Variants in RNF213 observed in about 807,000 individuals in gnomAD.
RNF213 encodes ring finger protein 213, also known as E3 ubiquitin-protein ligase RNF213.
A neutral mutation model predicts 514.4 loss-of-function variants in RNF213; 341 were observed. The ratio of observed to expected loss-of-function variants is 0.66; its 90% CI spans 0.61 to 0.73. The LOEUF is 0.73. Among genes scored for constraint, RNF213 ranks in the 30% least tolerant of loss-of-function variants. The pLI is 0.00. For missense variants in RNF213, 5,767 were observed against 6,615.6 expected (o/e 0.87, Z 4.45); for synonymous variants, 2,655 against 2,658.2 (o/e 1.00, Z 0.04).
chr17:80,355,204 C>T, intron 36 of RNF213: 1 of 456,042 alleles, frequency 2.2e-6, no homozygotes, highest in South Asian at 1.5e-5. Flanking sequence ...CTCTAAAAGA[C>T]AGCGGACTCC....
At chr17:80,314,121 A>G (rs200460613) in intron 15 of RNF213, among the ~76,000 whole-genome samples, 1,456 of 26,026 alleles carry the variant, frequency 0.056, 2 homozygotes, top group Middle Eastern at 0.068. Context: ...GGTGGTGGTG[A>G]AGGTGATGGT....
chr17:80,319,589 T>C, intron 17 of RNF213: 3 of 1,569,656 alleles, frequency 1.9e-6, no homozygotes, highest in South Asian at 2.3e-5. Flanking sequence ...TCACACGGGC[T>C]TGCAGGCCGT....
intron 11 of RNF213, among the ~76,000 whole-genome samples, chr17:80,302,902 T>C (rs1048812850): frequency 6.6e-6 from 1 of 152,182 alleles, no homozygotes; most frequent in Non-Finnish European, 1.5e-5. Flanking sequence ...ATAATCTCTC[T>C]GAAATACTGA....
intron 3 of RNF213, among the ~76,000 whole-genome samples, chr17:80,278,081 G>A (rs2044133992): frequency 6.6e-6 from 1 of 152,234 alleles, no homozygotes; most frequent in Non-Finnish European, 1.5e-5. Context: ...AGGCTACTGG[G>A]CTTGGCTGCT....
intron 14 of RNF213, among the ~76,000 whole-genome samples, chr17:80,310,869 T>G (rs1268901466): frequency 6.6e-6 from 1 of 152,216 alleles, no homozygotes; most frequent in Non-Finnish European, 1.5e-5. Context: ...TTTTTTAATC[T>G]TACTTCAAGT....
rs543467522 is a variant in RNF213, at chr17:80,343,427, C to T, written c.6183+102C>T. ...GTGTATAGAATTCCTTGTTTCCACACGCACAGTCCTGTGAAGCTTAACAGT... is the reference window on the plus strand; with the variant it reads ...GTGTATAGAATTCCTTGTTTCCACATGCACAGTCCTGTGAAGCTTAACAGT... On this transcript the variant is annotated intron_variant, in intron 27 of 67. Coordinates refer to ENST00000582970, the MANE Select transcript of RNF213 (RefSeq NM_001256071.3). This position sits in a 1 kb window ranked among gnomAD's most constrained non-coding sequence, Gnocchi z 4.3. 89 of 1,032,876 alleles carry T rather than the reference C, an allele frequency of 8.6e-5. No homozygotes were observed. Among genetic ancestry groups the T allele is most frequent in the East Asian group, 2.3e-4 (9 of 38,650 alleles). 64.0% of individuals were successfully genotyped at this position (1,032,876 alleles called of 1,614,324 possible).
rs761189212 is a variant in RNF213, at chr17:80,367,769, G to A, written c.11893G>A (p.Val3965Met). Residue 3965 changes from valine (V) to methionine (M), a missense_variant, in exon 43 of 68, where the codon GTG (valine) becomes ATG (methionine). This residue lies in a region of RNF213 where 355 missense variants were observed against 358.0 expected (regional missense o/e 0.99). Coordinates refer to ENST00000582970, the MANE Select transcript of RNF213 (RefSeq NM_001256071.3). ...TCAGTGTCTTCGAGAGAACTCTGAC[G>A]TGAAGACGCACGGGCCTTTTGAGGC... ...LDKCLRENSDVKTHGPFEAVM... is the reference protein window; with the variant it reads ...LDKCLRENSDMKTHGPFEAVM... 1.1e-5 allele frequency: 17 copies of A among 1,614,038 alleles called. No individual in the cohort carries two copies. The highest frequency in any genetic ancestry group is 5.0e-5 in the Admixed American group (3 of 60,010).
At chr17:80,290,801 T>G in intron 7 of RNF213, 73 bp downstream of exon 7, 1 of 1,560,940 alleles carries the variant, frequency 6.4e-7, no homozygotes, top group Non-Finnish European at 8.7e-7. Context: ...ACACGTAGTT[T>G]AAAAAAATTT....
chr17:80,281,534 T>TCACCCCCAA (rs1169082937), intron 3 of RNF213, among the ~76,000 whole-genome samples: 1 of 18,224 alleles, frequency 5.5e-5, no homozygotes, highest in Non-Finnish European at 1.1e-4. Flanking sequence ...CATGCCCCAC[T>TCACCCCCAA]CATACCACTC....
chr17:80,384,227 G>A (rs1245130448), intron 59 of RNF213, among the ~76,000 whole-genome samples: 1 of 152,190 alleles, frequency 6.6e-6, no homozygotes, highest in African/African-American at 2.4e-5. Flanking sequence ...AGACAGAAAA[G>A]GATGCAGCTC....
chr17:80,306,713 G>T (rs770543379), intron 12 of RNF213, among the ~76,000 whole-genome samples: 4 of 152,020 alleles, frequency 2.6e-5, no homozygotes, highest in Non-Finnish European at 4.4e-5. Flanking sequence ...TTAGCTGGGC[G>T]TGGTGGTGGG....
At chr17:80,274,448 T>C (rs901054357) in intron 3 of RNF213, among the ~76,000 whole-genome samples, 1 of 148,160 alleles carries the variant, frequency 6.7e-6, no homozygotes, top group Non-Finnish European at 1.5e-5. Flanking sequence ...AGCTCCCGGG[T>C]TTCTTGCTGG....
At chr17:80,360,737 C>G (rs766420025) in intron 38 of RNF213, among the ~76,000 whole-genome samples, 1 of 152,204 alleles carries the variant, frequency 6.6e-6, no homozygotes, top group African/African-American at 2.4e-5. Context: ...AAGATTTGCC[C>G]TAGTCCAGAA....
intron 3 of RNF213, among the ~76,000 whole-genome samples, chr17:80,280,755 C>T (rs548528161): frequency 2.6e-5 from 4 of 152,176 alleles, no homozygotes; most frequent in African/African-American, 9.6e-5. Flanking sequence ...ACCCTAGCCT[C>T]GTTTTGTATT....
intron 39 of RNF213, 83 bp from the exon 40 acceptor site, chr17:80,363,019 T>C (rs990511373): frequency 1.2e-5 from 16 of 1,290,142 alleles, no homozygotes; most frequent in Admixed American, 9.6e-5. Context: ...TTTATGGTTT[T>C]CCAATAGTTC....
In RNF213 at chr17:80,298,303, A is replaced by G; in HGVS notation, c.2013-18A>G. 1 of 1,613,572 alleles carries G rather than the reference A, an allele frequency of 6.2e-7. No individual in the cohort carries two copies. Among genetic ancestry groups the G allele is most frequent in the Non-Finnish European group, 8.5e-7 (1 of 1,179,838 alleles). On this transcript the variant is annotated intron_variant, in intron 10 of 67. Coordinates refer to ENST00000582970, the MANE Select transcript of RNF213 (RefSeq NM_001256071.3). ...CCTGGCCAGCTCAGCTCACTGCGGG[A>G]TCTTTATTCCCTTCCAGCTGGCGGC...
chr17:80,276,056 A>G (rs1381591046), intron 3 of RNF213, among the ~76,000 whole-genome samples: 1 of 151,514 alleles, frequency 6.6e-6, no homozygotes, highest in Non-Finnish European at 1.5e-5. Flanking sequence ...CCAAAGGAAC[A>G]TAGACTTTAT....
chr17:80,353,620 G>T lies in RNF213; in HGVS notation c.10532G>T (p.Ser3511Ile). Residue 3511 changes from serine to isoleucine, a missense_variant, in exon 34 of 68, where the codon AGT becomes ATT. Physicochemically the swap from Ser to Ile is moderately radical, Grantham distance 142. Coordinates refer to ENST00000582970, the MANE Select transcript of RNF213 (RefSeq NM_001256071.3). The surrounding 1 kb of genome is among the most constrained non-coding windows in gnomAD (Gnocchi z 5.0). ...EVAEEAMETE[S>I]SEKVGKETSE... The stretch of plus-strand genomic sequence containing the variant: ...GCAGAGGAGGCCATGGAAACAGAAA[G>T]TTCTGAGAAGGTGGGAAAGGAAACC... The T allele has an allele frequency of 1.9e-6, 3 of 1,614,216 alleles. No homozygotes were observed. Among genetic ancestry groups the T allele is most frequent in the Non-Finnish European group, 2.5e-6 (3 of 1,180,030 alleles).
In RNF213 at chr17:80,395,954, T is replaced by C. The variant is rs1334458304; in HGVS notation, c.*2456T>C. 7.9e-5 allele frequency: 12 copies of C among 152,348 alleles called. No homozygotes were observed. Among genetic ancestry groups the C allele is most frequent in the African/African-American group, 2.9e-4 (12 of 41,392 alleles). 9.4% of individuals were successfully genotyped at this position (152,348 alleles called of 1,614,324 possible). A position where few individuals can be genotyped will look rare whatever the true frequency, so the allele number is the denominator to read the frequency against. On this transcript the variant is annotated 3_prime_UTR_variant, in exon 68 of 68. Transcript: ENST00000582970. ...GGATGCCTCATCACCAACCCTGACC[T>C]TCCCCCTCCCAACCCTTTATTCATC...
Sources: allele counts gnomAD v4.1 joint callset (sites outside exome capture counted in the v4.1 genomes callset), GRCh38; gene constraint gnomAD v4.1.1; regional missense constraint gnomAD v4.1.1; non-coding constraint Gnocchi (gnomAD v3.1); transcripts MANE v1.5; gene names NCBI Gene and HGNC (gene_info 2026-07-23, HGNC 2026-07-21).